RPH3A: variants seen among roughly 807,000 people sequenced by gnomAD.
RPH3A encodes the protein rabphilin-3A.
A neutral mutation model predicts 102.2 loss-of-function variants in RPH3A; 48 were observed. The observed-to-expected ratio is 0.47, with a 90% CI of 0.37 to 0.60. RPH3A has a LOEUF of 0.60. Among genes scored for constraint, RPH3A ranks in the 20% least tolerant of loss-of-function variants. The pLI, the probability that RPH3A is intolerant of heterozygous loss-of-function variation, is 0.00. For missense variants in RPH3A, 781 were observed against 910.1 expected (o/e 0.86, Z 1.83); for synonymous variants, 310 against 324.3 (o/e 0.96, Z 0.47).
chr12:112,621,515 C>T (rs1378937727), intron 1 of RPH3A, among the ~76,000 whole-genome samples: 11 of 147,054 alleles, frequency 7.5e-5, no homozygotes, highest in Admixed American at 1.3e-4. Context: ...TAAAAAACGG[C>T]GCACCACGAG....
intron 2 of RPH3A, among the ~76,000 whole-genome samples, chr12:112,813,164 T>C (rs974117970): frequency 2.0e-5 from 3 of 152,230 alleles, no homozygotes; most frequent in Non-Finnish European, 4.4e-5. Flanking sequence ...GGGACTTGAA[T>C]CTTGACAGCT....
chr12:112,883,503 A>G (rs533331490), intron 16 of RPH3A, 101 bp downstream of exon 16: 149 of 755,486 alleles, frequency 2.0e-4, no homozygotes, highest in Non-Finnish European at 3.0e-4. Flanking sequence ...CTCTAAAAAG[A>G]TCTCTACATA....
intron 1 of RPH3A, among the ~76,000 whole-genome samples, chr12:112,683,097 A>G (rs777002062): frequency 1.3e-5 from 2 of 152,178 alleles, no homozygotes; most frequent in African/African-American, 2.4e-5. Context: ...TGTCTTATTT[A>G]GTTCTGTATC....
intron 1 of RPH3A, among the ~76,000 whole-genome samples, chr12:112,726,962 G>A (rs6489855): frequency 0.58 from 87,886 of 151,940 alleles, 25,955 homozygotes; most frequent in East Asian, 0.74. Context: ...GGCAGAGGTT[G>A]CAGTGAGCCG....
intron 1 of RPH3A, among the ~76,000 whole-genome samples, chr12:112,763,419 G>A (rs1438265804): frequency 6.6e-6 from 1 of 152,238 alleles, no homozygotes. Flanking sequence ...GGAGACATAA[G>A]ATATCAATCG....
At chr12:112,640,181 C>T (rs111609741) in intron 1 of RPH3A, among the ~76,000 whole-genome samples, 1,900 of 151,302 alleles carry the variant, frequency 0.013, 53 homozygotes, top group African/African-American at 0.044. Flanking sequence ...AAAAATCAGC[C>T]GGGCGTGGTG....
intron 3 of RPH3A, 104 bp downstream of exon 3, chr12:112,828,493 G>C (rs1020900936): frequency 9.6e-6 from 8 of 831,262 alleles, no homozygotes; most frequent in Admixed American, 2.6e-5. Flanking sequence ...CCTGAGGAAG[G>C]GGGAGAGGAA....
At chr12:112,670,999 AG>A (rs1409718656) in intron 1 of RPH3A, among the ~76,000 whole-genome samples, 7 of 152,216 alleles carry the variant, frequency 4.6e-5, no homozygotes, top group African/African-American at 1.7e-4. Flanking sequence ...AATCAACCAC[AG>A]GGGGGAGATG....
intron 1 of RPH3A, among the ~76,000 whole-genome samples, chr12:112,678,772 C>A (rs1176608186): frequency 6.6e-6 from 1 of 152,146 alleles, no homozygotes; most frequent in Non-Finnish European, 1.5e-5. Flanking sequence ...CGGGACACAG[C>A]ATCGTCATAG....
intron 2 of RPH3A, among the ~76,000 whole-genome samples, chr12:112,805,130 G>T (rs1426937729): frequency 6.6e-6 from 1 of 152,048 alleles, no homozygotes; most frequent in African/African-American, 2.4e-5. Flanking sequence ...TGCAATGTAT[G>T]GTAGCATTTT....
At chr12:112,683,318 C>T (rs774210972) in intron 1 of RPH3A, among the ~76,000 whole-genome samples, 68 of 152,128 alleles carry the variant, frequency 4.5e-4, no homozygotes, top group Non-Finnish European at 8.8e-5. Flanking sequence ...AACATCTATC[C>T]TTCTACTCTG....
intron 2 of RPH3A, among the ~76,000 whole-genome samples, chr12:112,806,659 A>G (rs2041470219): frequency 6.6e-6 from 1 of 151,768 alleles, no homozygotes; most frequent in Non-Finnish European, 1.5e-5. Flanking sequence ...AAAAGAAGGA[A>G]CTGATTTTTT....
intron 2 of RPH3A, among the ~76,000 whole-genome samples, chr12:112,825,741 G>A (rs2041858320): frequency 1.3e-5 from 2 of 152,114 alleles, no homozygotes; most frequent in South Asian, 2.1e-4. Context: ...AGTTCCGCAC[G>A]GCTTACATGT....
chr12:112,807,362 G>A (rs1027777462), intron 2 of RPH3A, among the ~76,000 whole-genome samples: 13 of 152,308 alleles, frequency 8.5e-5, no homozygotes, highest in Middle Eastern at 3.4e-3. Flanking sequence ...GAAGAGGACA[G>A]TAGGACCCCT....
chr12:112,868,656 T>A, intron 8 of RPH3A, 61 bp downstream of exon 8: 1 of 1,547,202 alleles, frequency 6.5e-7, no homozygotes, highest in Admixed American at 1.9e-5. Flanking sequence ...CTGGTCTACC[T>A]GAGGGATGGC....
intron 1 of RPH3A, among the ~76,000 whole-genome samples, chr12:112,664,992 T>A (rs1220857456): frequency 6.6e-6 from 1 of 152,100 alleles, no homozygotes; most frequent in Non-Finnish European, 1.5e-5. Context: ...CAGGTTGTCC[T>A]TCAGAGGGAC....
chr12:112,814,007 G>A (rs1313226616), intron 2 of RPH3A, among the ~76,000 whole-genome samples: 1 of 151,450 alleles, frequency 6.6e-6, no homozygotes, highest in East Asian at 1.9e-4. Context: ...GGTATGGTGG[G>A]TATGGAGTAA....
At position 112,605,260 on chromosome 12, in the gene RPH3A, A is replaced by G. The variant is rs183874457; in HGVS notation, c.-140+29941A>G. On this transcript the variant is annotated intron_variant, in intron 1 of 21. Coordinates refer to the RPH3A transcript ENST00000543106. ...CATGGTGGCACACACCTATAACCCC[A>G]GCTACGTGGGAGGCTGAGGCAGGAG... is the stretch of plus-strand genomic sequence containing the variant. Among the ~76,000 whole-genome samples, 196 of 152,270 alleles carry G rather than the reference A, an allele frequency of 1.3e-3. 1 individual carries two copies. Among genetic ancestry groups the G allele is most frequent in the Non-Finnish European group, 2.0e-3 (134 of 68,018 alleles).
intron 1 of RPH3A, among the ~76,000 whole-genome samples, chr12:112,763,659 AT>A (rs1301890801): frequency 6.6e-6 from 1 of 152,176 alleles, no homozygotes; most frequent in Non-Finnish European, 1.5e-5. Context: ...GAGAGAATAG[AT>A]TGTAAATGTT....
Sources: allele counts gnomAD v4.1 joint callset (sites outside exome capture counted in the v4.1 genomes callset), GRCh38; gene constraint gnomAD v4.1.1; transcripts MANE v1.5; gene names NCBI Gene and HGNC (gene_info 2026-07-23, HGNC 2026-07-21).